UBE3B: variants seen among roughly 807,000 people sequenced by gnomAD.
The protein encoded by UBE3B is ubiquitin-protein ligase E3B.
Under a neutral mutation model 132.3 loss-of-function variants are expected in UBE3B, and 80 were observed. That is an observed-to-expected ratio of 0.60 (90% confidence interval 0.50 to 0.73). The LOEUF (loss-of-function observed/expected upper bound fraction) is 0.73. Among genes scored for constraint, UBE3B ranks in the 30% least tolerant of loss-of-function variants. The pLI, the probability that UBE3B is intolerant of heterozygous loss-of-function variation, is 0.00. For missense variants in UBE3B, 1,196 were observed against 1,362.5 expected (o/e 0.88, Z 1.92); for synonymous variants, 487 against 520.4 (o/e 0.94, Z 0.87).
chr12:109,541,599 A>G (rs1371048208), downstream of UBE3B, among the ~76,000 whole-genome samples: 1 of 152,226 alleles, frequency 6.6e-6, no homozygotes, highest in African/African-American at 2.4e-5. Context: ...GTTCTAAAAC[A>G]ATTCCATTGG....
intron 1 of UBE3B, among the ~76,000 whole-genome samples, chr12:109,479,006 A>C (rs1047570430): frequency 1.2e-4 from 19 of 152,172 alleles, no homozygotes; most frequent in African/African-American, 4.6e-4. Context: ...CAAGAGTCTG[A>C]ATCCTGCCTC....
chr12:109,524,723 C>T (rs191582739), intron 23 of UBE3B, among the ~76,000 whole-genome samples: 29 of 152,290 alleles, frequency 1.9e-4, no homozygotes, highest in Middle Eastern at 3.4e-3. Flanking sequence ...CGCAGAGACC[C>T]TGCTTTCTTA....
chr12:109,534,575 C>G lies in UBE3B; in HGVS notation c.3016-16C>G. 6.3e-7 allele frequency: 1 copy of G among 1,592,720 alleles called. No homozygotes were observed. On this transcript the variant is annotated splice_polypyrimidine_tract_variant and intron_variant, in intron 27 of 27. Transcript: ENST00000342494. The surrounding 1 kb of genome is among the most constrained non-coding windows in gnomAD (Gnocchi z 5.2). ...CTAGGCCCTTCCCAATTCAAGGCCA[C>G]GATGTGTGCCTTCAGGACACCGGGG... is the stretch of plus-strand genomic sequence containing the variant.
At chr12:109,529,850 C>T (rs1248034021) in intron 24 of UBE3B, 40 bp from the exon 25 acceptor site, 3 of 1,610,976 alleles carry the variant, frequency 1.9e-6, no homozygotes, top group Non-Finnish European at 2.5e-6. Context: ...CTGCCCCGTC[C>T]TGTTAATTGT....
intron 9 of UBE3B, among the ~76,000 whole-genome samples, chr12:109,494,833 C>T (rs984161402): frequency 2.0e-5 from 3 of 152,174 alleles, no homozygotes; most frequent in African/African-American, 7.2e-5. Flanking sequence ...ATACGTCGCT[C>T]CCAGTCAGGC....
At chr12:109,536,937 C>T (rs1224011691), downstream of UBE3B, among the ~76,000 whole-genome samples, 3 of 152,170 alleles carry the variant, frequency 2.0e-5, no homozygotes, top group Non-Finnish European at 4.4e-5. Context: ...TGGGCCCATC[C>T]CTCTCACCCA....
rs149176256 is a variant in UBE3B, at chr12:109,477,949, G to A, written c.-288G>A. On this transcript the variant is annotated 5_prime_UTR_variant, in exon 1 of 28. Coordinates refer to ENST00000342494, the MANE Select transcript of UBE3B (RefSeq NM_130466.4). ...GTGTGCTCCAGGGGCTCTTTCCGCGGCCCTTTCCACCTCTTTTCACTTTGG... is the reference window on the plus strand; with the variant it reads ...GTGTGCTCCAGGGGCTCTTTCCGCGACCCTTTCCACCTCTTTTCACTTTGG... 234 of 153,066 alleles carry A rather than the reference G, an allele frequency of 1.5e-3. 1 individual carries two copies. Among genetic ancestry groups the A allele is most frequent in the Admixed American group, 2.5e-3 (38 of 15,310 alleles). The allele number at this position is 153,066 out of a possible 1,614,324, so 9.5% of individuals were successfully genotyped here. A position where few individuals can be genotyped will look rare whatever the true frequency, so the allele number is the denominator to read the frequency against.
In UBE3B at chr12:109,507,608, A is replaced by G. The variant is rs1879855032; in HGVS notation, c.1495A>G (p.Ile499Val). The G allele has an allele frequency of 1.2e-6, 2 of 1,614,104 alleles. No individual in the cohort carries two copies. Among genetic ancestry groups the G allele is most frequent in the Non-Finnish European group, 1.7e-6 (2 of 1,180,008 alleles). ...CCTGCTTCCCAAACTGTGGGCATTT[A>G]TCTGTGAGCTCGGGCCCCACGGAGG... ...DDLLPKLWAF[I>V]CELGPHGGLK... Residue 499 changes from isoleucine to valine, a missense_variant, in exon 15 of 28, where the codon ATC (isoleucine) becomes GTC (valine). Ile to Val is a conservative substitution (Grantham distance 29, BLOSUM62 3). Coordinates refer to ENST00000342494, the MANE Select transcript of UBE3B (RefSeq NM_130466.4).
chr12:109,531,497 T>C (rs1882936372), intron 26 of UBE3B, among the ~76,000 whole-genome samples: 1 of 152,184 alleles, frequency 6.6e-6, no homozygotes, highest in Non-Finnish European at 1.5e-5. Context: ...TTTAGTGCCT[T>C]GAAATGTTTT....
At position 109,486,553 on chromosome 12, in the gene UBE3B, G is replaced by C; in HGVS notation, c.425G>C (p.Cys142Ser). The change falls in exon 6 of 28, where the codon TGT (cysteine) becomes TCT (serine). Residue 142 changes from cysteine to serine, a missense_variant. Coordinates refer to ENST00000342494, the MANE Select transcript of UBE3B (RefSeq NM_130466.4). ...ATCAAGAACATTTTGTGGTACTGCT[G>C]TGATTTTCTCAAGCAGCTCAAGGTA... ...QQIKNILWYC[C>S]DFLKQLKPEI... 14 of 1,034,996 alleles carry C rather than the reference G, an allele frequency of 1.4e-5. No homozygotes were observed. The highest frequency in any genetic ancestry group is 2.0e-5 in the Non-Finnish European group (14 of 716,584). 64.1% of individuals were successfully genotyped at this position (1,034,996 alleles called of 1,614,324 possible).
At chr12:109,545,997 G>A in the UBE3B span, among the ~76,000 whole-genome samples, 5 of 152,114 alleles carry the variant, frequency 3.3e-5, no homozygotes, top group African/African-American at 1.2e-4. Flanking sequence ...GGGACTCCAC[G>A]ACTTCCTTAG....
chr12:109,497,633 A>C (rs1878396243), intron 9 of UBE3B, among the ~76,000 whole-genome samples, 185 bp from the exon 10 acceptor site: 1 of 152,154 alleles, frequency 6.6e-6, no homozygotes, highest in Non-Finnish European at 1.5e-5. Context: ...ACAGTATGGC[A>C]TCAGCAACTG....
At chr12:109,490,970 A>G (rs562756062) in intron 8 of UBE3B, 75 bp from the exon 9 acceptor site, 1 of 1,481,178 alleles carries the variant, frequency 6.8e-7, no homozygotes, top group African/African-American at 1.4e-5. Context: ...CACTCAGTTT[A>G]CTTTTTTGCT....
Position 109,483,397 on chromosome 12 carries a change from G to A in UBE3B, c.-21-134G>A, listed in dbSNP as rs566045796. ...GGACTTGTGCCGGAGAGCTGTTAGC[G>A]CTTTGGAGGGTGTTGACAGGTCCTG... On this transcript the variant is annotated intron_variant, in intron 2 of 27. Transcript: ENST00000342494. 3.1e-3 allele frequency: 2,599 copies of A among 825,128 alleles called. 9 individuals are homozygous for A. Among genetic ancestry groups the A allele is most frequent in the Non-Finnish European group, 3.4e-3 (1,949 of 579,038 alleles). The allele number at this position is 825,128 out of a possible 1,614,324, so 51.1% of individuals were successfully genotyped here.
chr12:109,547,227 G>A, the UBE3B span, among the ~76,000 whole-genome samples: 6 of 152,364 alleles, frequency 3.9e-5, no homozygotes, highest in Non-Finnish European at 7.3e-5. This position sits in a 1 kb window ranked among gnomAD's most constrained non-coding sequence, Gnocchi z 4.1. Flanking sequence ...CAGTGATCAG[G>A]ATTCAGATTC....
chr12:109,497,332 A>T (rs915615466), intron 9 of UBE3B, among the ~76,000 whole-genome samples: 1 of 151,826 alleles, frequency 6.6e-6, no homozygotes, highest in Non-Finnish European at 1.5e-5. Flanking sequence ...GATACACTAC[A>T]TGTGTATATA....
Position 109,534,835 on chromosome 12 carries a change from TC to T in UBE3B, c.*56del. The T allele has an allele frequency of 7.0e-7, 1 of 1,420,230 alleles. No homozygotes were observed. The highest frequency in any genetic ancestry group is 1.4e-5 in the South Asian group (1 of 70,316). The allele number at this position is 1,420,230 out of a possible 1,614,324, so 88.0% of individuals were successfully genotyped here. A position where few individuals can be genotyped will look rare whatever the true frequency, so the allele number is the denominator to read the frequency against. On this transcript the variant is annotated 3_prime_UTR_variant, in exon 28 of 28. Transcript: ENST00000342494. This position sits in a 1 kb window ranked among gnomAD's most constrained non-coding sequence, Gnocchi z 5.2. The stretch of plus-strand genomic sequence containing the variant: ...TCCTGGGCTGCCAGGGACCTTCAGC[TC>T]CCAGAGGCAGTGTGGTCCTGGGAAT...
rs1336077786 is a variant in UBE3B at position 109,523,950 on chromosome 12, GGA to G, written c.2365-27_2365-26del. 16 of 1,612,658 alleles carry G rather than the reference GGA, an allele frequency of 9.9e-6. No individual in the cohort carries two copies. In the Admixed American group the frequency reaches 1.7e-4, roughly 17 times the overall value. On this transcript the variant is annotated intron_variant, in intron 21 of 27. Transcript: ENST00000342494. The stretch of plus-strand genomic sequence containing the variant: ...ACACTGCATCAGAATCCTGGCTGAT[GGA>G]CAGCTCTGCTTCTCTGCTCTCCCAG...
chr12:109,532,885 ACT>A (rs1213398345), intron 26 of UBE3B, among the ~76,000 whole-genome samples: 1 of 152,006 alleles, frequency 6.6e-6, no homozygotes, highest in Non-Finnish European at 1.5e-5. Flanking sequence ...CACATAGACC[ACT>A]CTAAATCAGC....
Sources: allele counts gnomAD v4.1 joint callset (sites outside exome capture counted in the v4.1 genomes callset), GRCh38; gene constraint gnomAD v4.1.1; non-coding constraint Gnocchi (gnomAD v3.1); transcripts MANE v1.5; gene names NCBI Gene and HGNC (gene_info 2026-07-23, HGNC 2026-07-21).